Variants in TAF4 observed in about 807,000 individuals in gnomAD.
The protein encoded by TAF4 is TATA-box binding protein associated factor 4.
Under a neutral mutation model 90.3 loss-of-function variants are expected in TAF4, and 9 were observed. That is an observed-to-expected ratio of 0.10 (90% CI 0.06 to 0.17). The LOEUF (loss-of-function observed/expected upper bound fraction) is 0.17, where lower values mean the gene tolerates loss of function less well. TAF4 is among the 10% of genes least tolerant of loss of function. The pLI is 1.00. For synonymous variants in TAF4, 818 were observed against 638.9 expected (o/e 1.28, Z -4.23); for missense variants, 1,351 against 1,370.7 (o/e 0.99, Z 0.23).
chr20:62,044,573 G>A (rs1220392607), intron 1 of TAF4, among the ~76,000 whole-genome samples: 2 of 152,156 alleles, frequency 1.3e-5, no homozygotes, highest in Admixed American at 1.3e-4. Flanking sequence ...TAAAGACAAA[G>A]AGTGCAAAGA....
intron 1 of TAF4, among the ~76,000 whole-genome samples, chr20:62,040,790 C>T (rs1174704403): frequency 1.3e-5 from 2 of 152,236 alleles, no homozygotes; most frequent in Non-Finnish European, 2.9e-5. Context: ...TCTGACAAGA[C>T]CAAACTCACA....
chr20:62,054,404 C>A (rs911827982), intron 1 of TAF4, among the ~76,000 whole-genome samples: 21 of 152,154 alleles, frequency 1.4e-4, no homozygotes, highest in African/African-American at 4.8e-4. Context: ...GGCAGGAAGG[C>A]GAGGACTGCA....
At chr20:62,052,741 C>T (rs1319647970) in intron 1 of TAF4, among the ~76,000 whole-genome samples, 1 of 144,410 alleles carries the variant, frequency 6.9e-6, no homozygotes, top group Non-Finnish European at 1.5e-5. Flanking sequence ...CTCACACCGC[C>T]CCCCACACCC....
In TAF4 at chr20:62,030,977, T is replaced by C. The variant is rs571160231; in HGVS notation, c.1361-16270A>G. Among the ~76,000 whole-genome samples, 8 of 152,194 alleles carry C rather than the reference T, an allele frequency of 5.3e-5. No individual in the cohort carries two copies. In the East Asian group the frequency reaches 7.7e-4, roughly 15 times the overall value. On this transcript the variant is annotated intron_variant, in intron 1 of 14. Transcript: ENST00000252996. ...AGCTTCCTGAAATGCCTGAGTCTAT[T>C]TGACAGACACAACATGCAACAAACA...
rs1357245534 is a variant in TAF4 at position 62,000,728 on chromosome 20, G to A, written c.2487-7C>T. The A allele has an allele frequency of 1.9e-6, 3 of 1,614,012 alleles. No homozygotes were observed. The highest frequency in any genetic ancestry group is 1.7e-5 in the Admixed American group (1 of 60,018). On this transcript the variant is annotated splice_polypyrimidine_tract_variant and splice_region_variant and intron_variant, in intron 9 of 14. Transcript: ENST00000252996. ...ATTAATGTCATCATCGTCCCTTGAG[G>A]AAAGAAGGGAAGATCACTTTAACTG...
Position 61,976,258 on chromosome 20 carries a change from C to T in TAF4, c.3168G>A (p.Thr1056=), listed in dbSNP as rs373526782. ...TPRQFTRQRI[T]RVNLRDLIFC... is the part of the protein sequence containing the mutation. ...ATATGAGGTCCCTGAGGTTGACCCG[C>T]GTGATTCTTTGTCGCGTGAACTGTC... Residue 1056 remains threonine (T), a synonymous_variant, in exon 15 of 15, where the codon ACG becomes ACA. Transcript: ENST00000252996. 37 of 1,613,898 alleles carry T rather than the reference C, an allele frequency of 2.3e-5. 1 individual carries two copies. The Admixed American group carries it at 3.2e-4, about 14-fold the overall frequency.
intron 2 of TAF4, 124 bp from the exon 3 acceptor site, chr20:62,013,058 G>T: frequency 7.4e-7 from 1 of 1,349,150 alleles, no homozygotes; most frequent in Non-Finnish European, 9.9e-7. Flanking sequence ...GCTTATCCGT[G>T]ATCTGCAATG....
chr20:61,982,805 C>A (rs1024672995), intron 14 of TAF4, among the ~76,000 whole-genome samples: 1 of 152,204 alleles, frequency 6.6e-6, no homozygotes, highest in African/African-American at 2.4e-5. Flanking sequence ...TCAGAGCCGA[C>A]GGCAGGGCTG....
chr20:62,041,916 TA>T (rs796247739), intron 1 of TAF4, among the ~76,000 whole-genome samples: 115 of 137,572 alleles, frequency 8.4e-4, no homozygotes, highest in East Asian at 1.0e-3. Flanking sequence ...CCCTATCTCC[TA>T]AAAAAAAAAA....
chr20:62,013,421 T>C (rs750328746), intron 2 of TAF4, among the ~76,000 whole-genome samples: 2 of 152,128 alleles, frequency 1.3e-5, no homozygotes, highest in African/African-American at 2.4e-5. Context: ...GAGACTGACA[T>C]GGAAAGAGCA....
At chr20:62,013,169 T>C (rs1479912049) in intron 2 of TAF4, among the ~76,000 whole-genome samples, 1 of 152,242 alleles carries the variant, frequency 6.6e-6, no homozygotes, top group Non-Finnish European at 1.5e-5. Flanking sequence ...TAACAGAGTC[T>C]ACAAAAGGTC....
In TAF4 at chr20:62,010,965, C is replaced by T. The variant is rs1406082525; in HGVS notation, c.1642-800G>A. Among the ~76,000 whole-genome samples, 2 of 152,180 alleles carry T rather than the reference C, an allele frequency of 1.3e-5. No homozygotes were observed. The highest frequency in any genetic ancestry group is 2.9e-5 in the Non-Finnish European group (2 of 68,040). On this transcript the variant is annotated intron_variant, in intron 3 of 14. Coordinates refer to ENST00000252996, the MANE Select transcript of TAF4 (RefSeq NM_003185.4). The surrounding 1 kb of genome is among the most constrained non-coding windows in gnomAD (Gnocchi z 4.5). ...AAATCTAGCAGTCAACATTTTCTGT[C>T]TCCAATTTTTTAAACACTCCTTTGC...
Position 62,065,565 on chromosome 20 carries a change from C to A in TAF4, c.246G>T (p.Ala82=). Reference sequence around the variant, plus strand: ...GGGGCGGCTCCGGCGCCGCTCCGGGCGCGCCCTCGGCGGGGGCGGCCGGCC... The same window carrying A: ...GGGGCGGCTCCGGCGCCGCTCCGGGAGCGCCCTCGGCGGGGGCGGCCGGCC... ...GAGPAAPAEG[A]PGAAPEPPPA... The change falls in exon 1 of 15, where the codon GCG becomes GCT. Residue 82 remains alanine (A), a synonymous_variant. Coordinates refer to ENST00000252996, the MANE Select transcript of TAF4 (RefSeq NM_003185.4). The A allele has an allele frequency of 1.0e-6, 1 of 977,770 alleles. No individual in the cohort carries two copies. The highest frequency in any genetic ancestry group is 1.2e-6 in the Non-Finnish European group (1 of 827,142). 60.6% of individuals were successfully genotyped at this position (977,770 alleles called of 1,614,324 possible).
Position 62,000,209 on chromosome 20 carries a change from T to C in TAF4, c.2702A>G (p.Tyr901Cys). 2 of 1,614,268 alleles carry C rather than the reference T, an allele frequency of 1.2e-6. No homozygotes were observed. Among genetic ancestry groups the C allele is most frequent in the East Asian group, 4.5e-5 (2 of 44,892 alleles). The change falls in exon 11 of 15, where the codon TAT becomes TGT. Residue 901 changes from tyrosine (Y) to cysteine (C), a missense_variant. Tyr to Cys is a radical substitution (Grantham distance 194). Around this residue, in one of 9 missense-constraint regions of TAF4, gnomAD observed 95 missense variants for 151.3 expected, o/e 0.63. Coordinates refer to ENST00000252996, the MANE Select transcript of TAF4 (RefSeq NM_003185.4). ...ITELHPDVVS[Y>C]VSHATQQRLQ... ...CCTTTGTTGCGTGGCATGTGATACA[T>C]AACTTACTACATCTGGATGTAATTC...
At chr20:62,054,604 C>T (rs1346074983) in intron 1 of TAF4, among the ~76,000 whole-genome samples, 1 of 152,164 alleles carries the variant, frequency 6.6e-6, no homozygotes, top group Non-Finnish European at 1.5e-5. Flanking sequence ...CCTGCAACCT[C>T]CTCCACCAGG....
At chr20:62,026,283 C>T (rs1307266334) in intron 1 of TAF4, among the ~76,000 whole-genome samples, 1 of 152,150 alleles carries the variant, frequency 6.6e-6, no homozygotes. Context: ...TCTACCTGAC[C>T]CCGTGAGCAA....
In TAF4 at chr20:61,975,985, G is replaced by T. The variant is rs933032876; in HGVS notation, c.*183C>A. 3.1e-6 allele frequency: 2 copies of T among 636,242 alleles called. No homozygotes were observed. The highest frequency in any genetic ancestry group is 5.4e-6 in the Non-Finnish European group (2 of 372,592). 39.4% of individuals were successfully genotyped at this position (636,242 alleles called of 1,614,324 possible). ...AATTGTCCTTTAAGAGTATCCACAGGCCTTTGTGTTCTCTCTGTTACAGAA... is the reference window on the plus strand; with the variant it reads ...AATTGTCCTTTAAGAGTATCCACAGTCCTTTGTGTTCTCTCTGTTACAGAA... On this transcript the variant is annotated 3_prime_UTR_variant, in exon 15 of 15. Coordinates refer to ENST00000252996, the MANE Select transcript of TAF4 (RefSeq NM_003185.4).
intron 1 of TAF4, among the ~76,000 whole-genome samples, chr20:62,051,545 C>T (rs772508019): frequency 2.6e-5 from 4 of 152,152 alleles, no homozygotes; most frequent in Non-Finnish European, 5.9e-5. Flanking sequence ...TCACTCCCAC[C>T]CCTCTCACCG....
chr20:61,992,557 G>A (rs2055637958), intron 14 of TAF4, among the ~76,000 whole-genome samples: 1 of 151,212 alleles, frequency 6.6e-6, no homozygotes, highest in Admixed American at 6.6e-5. Context: ...CTACACCTCT[G>A]AATTTGAACT....
Sources: allele counts gnomAD v4.1 joint callset (sites outside exome capture counted in the v4.1 genomes callset), GRCh38; gene constraint gnomAD v4.1.1; regional missense constraint gnomAD v4.1.1; non-coding constraint Gnocchi (gnomAD v3.1); transcripts MANE v1.5; gene names NCBI Gene and HGNC (gene_info 2026-07-23, HGNC 2026-07-21).